Variants in LOC128706666 observed in about 807,000 individuals in gnomAD.
chr20:10,418,766 C>G, the LOC128706666 span, among the ~76,000 whole-genome samples: 5,136 of 152,166 alleles, frequency 0.034, 150 homozygotes, highest in Non-Finnish European at 0.045. Context: ...GTTAAGACAT[C>G]TTTTTGTTCT....
At chr20:10,432,822 A>T in the LOC128706666 span, among the ~76,000 whole-genome samples, 1 of 141,736 alleles carries the variant, frequency 7.1e-6, no homozygotes, top group Admixed American at 7.2e-5. Flanking sequence ...AAAATCGTGT[A>T]GTTTTGTACA....
At chr20:10,419,339 C>T in the LOC128706666 span, among the ~76,000 whole-genome samples, 4 of 151,948 alleles carry the variant, frequency 2.6e-5, no homozygotes, top group African/African-American at 7.3e-5. Context: ...TTTATAAATA[C>T]AATATAGTGT....
the LOC128706666 span, among the ~76,000 whole-genome samples, chr20:10,432,720 C>T: frequency 7.4e-6 from 1 of 135,092 alleles, no homozygotes; most frequent in African/African-American, 2.7e-5. Flanking sequence ...TGCTTGAACC[C>T]GGGAGGCGGA....
the LOC128706666 span, chr20:10,413,841 C>T: frequency 2.2e-6 from 1 of 454,102 alleles, no homozygotes; most frequent in Non-Finnish European, 3.9e-6. Context: ...GAAAGATATC[C>T]CAGCTACAAG....
At chr20:10,421,290 G>A in the LOC128706666 span, among the ~76,000 whole-genome samples, 1 of 151,902 alleles carries the variant, frequency 6.6e-6, no homozygotes, top group African/African-American at 2.4e-5. Context: ...CGGATATGGT[G>A]GCGCATGCCT....
At chr20:10,418,475 T>A in the LOC128706666 span, among the ~76,000 whole-genome samples, 3 of 152,194 alleles carry the variant, frequency 2.0e-5, no homozygotes, top group Non-Finnish European at 2.9e-5. Context: ...ACTTCAACTA[T>A]TCGGAATTTG....
the LOC128706666 span, among the ~76,000 whole-genome samples, chr20:10,422,683 C>T: frequency 6.6e-6 from 1 of 151,902 alleles, no homozygotes; most frequent in East Asian, 1.9e-4. Flanking sequence ...CCTCTATTCC[C>T]CTCAACATGA....
chr20:10,433,082 C>A, the LOC128706666 span, among the ~76,000 whole-genome samples: 2 of 152,234 alleles, frequency 1.3e-5, no homozygotes, highest in African/African-American at 4.8e-5. Context: ...CCGCTCACCG[C>A]AACCTCCGCC....
chr20:10,418,803 C>T, the LOC128706666 span, among the ~76,000 whole-genome samples: 3 of 152,058 alleles, frequency 2.0e-5, no homozygotes, highest in Non-Finnish European at 4.4e-5. Context: ...GTACAATATA[C>T]ATACATAATA....
At chr20:10,432,262 T>C in the LOC128706666 span, among the ~76,000 whole-genome samples, 1 of 152,202 alleles carries the variant, frequency 6.6e-6, no homozygotes, top group Non-Finnish European at 1.5e-5. Context: ...GCAGCTTAAC[T>C]TTTTCTATTG....
chr20:10,432,111 A>T, the LOC128706666 span, among the ~76,000 whole-genome samples: 78,439 of 152,032 alleles, frequency 0.52, 21,159 homozygotes, highest in Non-Finnish European at 0.6. Flanking sequence ...AGTTGAAGTT[A>T]GGCCCTTTCC....
chr20:10,425,162 G>A, the LOC128706666 span, among the ~76,000 whole-genome samples: 1 of 152,154 alleles, frequency 6.6e-6, no homozygotes, highest in South Asian at 2.1e-4. Context: ...ACAAGGAAAA[G>A]AGAGCTAAAA....
the LOC128706666 span, among the ~76,000 whole-genome samples, chr20:10,423,112 T>C: frequency 3.9e-4 from 60 of 152,044 alleles, 1 homozygote; most frequent in South Asian, 0.012. Flanking sequence ...TTCTGAACTA[T>C]AAACTCAAGG....
chr20:10,421,894 T>C, the LOC128706666 span, among the ~76,000 whole-genome samples: 3 of 152,058 alleles, frequency 2.0e-5, no homozygotes, highest in Non-Finnish European at 4.4e-5. Flanking sequence ...AAAGACTCCT[T>C]ATACTCTTAA....
the LOC128706666 span, among the ~76,000 whole-genome samples, chr20:10,419,897 G>GT: frequency 6.6e-6 from 1 of 152,180 alleles, no homozygotes; most frequent in Non-Finnish European, 1.5e-5. Context: ...TTGACTGCAG[G>GT]TAACTGAAAC....
chr20:10,426,107 T>A, the LOC128706666 span, among the ~76,000 whole-genome samples: 1 of 152,254 alleles, frequency 6.6e-6, no homozygotes, highest in Admixed American at 6.5e-5. Flanking sequence ...TTTTTCATTT[T>A]GTTTTGCTTT....
chr20:10,415,543 GAA>G, the LOC128706666 span, among the ~76,000 whole-genome samples: 2 of 152,124 alleles, frequency 1.3e-5, no homozygotes, highest in Non-Finnish European at 2.9e-5. Context: ...CATGAGGAGG[GAA>G]AGAAAAATCT....
the LOC128706666 span, among the ~76,000 whole-genome samples, chr20:10,417,245 T>TAAA: frequency 1.5e-5 from 2 of 132,418 alleles, no homozygotes; most frequent in Admixed American, 1.5e-4. Flanking sequence ...GACTCCATCT[T>TAAA]AAAAAAAAAA....
chr20:10,416,975 T>C, the LOC128706666 span, among the ~76,000 whole-genome samples: 1 of 151,988 alleles, frequency 6.6e-6, no homozygotes, highest in Non-Finnish European at 1.5e-5. Flanking sequence ...TCTGATCTTT[T>C]ATAGAAAAAA....
Sources: allele counts gnomAD v4.1 joint callset (sites outside exome capture counted in the v4.1 genomes callset), GRCh38; gene constraint gnomAD v4.1.1; transcripts MANE v1.5.